The following ANKRD44 variants were observed in gnomAD, a reference collection of about 807,000 sequenced individuals.
The protein encoded by ANKRD44 is serine/threonine-protein phosphatase 6 regulatory ankyrin repeat subunit B.
Under a neutral mutation model 116.0 loss-of-function variants are expected in ANKRD44, and 35 were observed. That is an observed-to-expected ratio of 0.30 (90% CI 0.23 to 0.40). ANKRD44 has a LOEUF of 0.40. ANKRD44 is among the 10% of genes least tolerant of loss of function. The pLI is 1.00. For missense variants in ANKRD44, 1,014 were observed against 1,242.6 expected (o/e 0.82, Z 2.77); for synonymous variants, 435 against 461.8 (o/e 0.94, Z 0.74).
chr2:197,238,212 G>T (rs929833742), intron 1 of ANKRD44, among the ~76,000 whole-genome samples: 3 of 152,156 alleles, frequency 2.0e-5, no homozygotes, highest in African/African-American at 4.8e-5. Flanking sequence ...CACAGACTAT[G>T]CCTGTTTGGC....
chr2:197,147,663 G>A (rs1025772195), intron 2 of ANKRD44, among the ~76,000 whole-genome samples: 2 of 152,026 alleles, frequency 1.3e-5, no homozygotes, highest in African/African-American at 4.8e-5. Context: ...TGGGGACAGA[G>A]GGATGACTAC....
At chr2:197,130,678 A>G (rs1218972049) in intron 4 of ANKRD44, among the ~76,000 whole-genome samples, 1 of 152,250 alleles carries the variant, frequency 6.6e-6, no homozygotes, top group Non-Finnish European at 1.5e-5. Flanking sequence ...ACACATGAAC[A>G]ACTTTTTATA....
At chr2:197,044,607 C>T (rs994059323) in intron 16 of ANKRD44, among the ~76,000 whole-genome samples, 5 of 152,134 alleles carry the variant, frequency 3.3e-5, no homozygotes, top group East Asian at 1.9e-4. Context: ...GTGATGCCCG[C>T]CTCGGCCTTC....
At chr2:197,244,452 T>C (rs2082149281) in intron 1 of ANKRD44, among the ~76,000 whole-genome samples, 1 of 152,246 alleles carries the variant, frequency 6.6e-6, no homozygotes, top group African/African-American at 2.4e-5. Context: ...CCTGTCTTTC[T>C]GAATGATCAC....
intron 1 of ANKRD44, among the ~76,000 whole-genome samples, chr2:197,270,026 G>T (rs1232889060): frequency 2.0e-5 from 3 of 152,154 alleles, no homozygotes; most frequent in African/African-American, 7.2e-5. Flanking sequence ...GACATTTGCT[G>T]TCTCAGACCC....
At chr2:197,048,332 C>T (rs1231712589) in intron 16 of ANKRD44, among the ~76,000 whole-genome samples, 1 of 152,130 alleles carries the variant, frequency 6.6e-6, no homozygotes, top group Non-Finnish European at 1.5e-5. Flanking sequence ...AATGCTATCC[C>T]TCCCCCTGCC....
intron 16 of ANKRD44, chr2:197,078,380 T>C (rs2077719633): frequency 2.0e-5 from 8 of 390,268 alleles, no homozygotes; most frequent in Non-Finnish European, 3.2e-5. Context: ...CACAAAGCCA[T>C]ATTTGCTAAT....
At chr2:197,019,439 A>G (rs1057451942) in intron 17 of ANKRD44, among the ~76,000 whole-genome samples, 1 of 152,192 alleles carries the variant, frequency 6.6e-6, no homozygotes, top group Non-Finnish European at 1.5e-5. Flanking sequence ...TTGGGCATGC[A>G]TTGCCTCACT....
intron 1 of ANKRD44, among the ~76,000 whole-genome samples, chr2:197,285,187 T>C (rs980470483): frequency 6.6e-6 from 1 of 152,028 alleles, no homozygotes; most frequent in African/African-American, 2.4e-5. Flanking sequence ...ATGTAAGGCC[T>C]GTGGACCCAT....
At chr2:197,166,601 C>A (rs79468782) in intron 2 of ANKRD44, among the ~76,000 whole-genome samples, 6,461 of 152,308 alleles carry the variant, frequency 0.042, 158 homozygotes, top group Middle Eastern at 0.075. Flanking sequence ...AGAAGAATCA[C>A]TGACAATGAT....
chr2:197,239,631 C>A (rs756503380), intron 1 of ANKRD44, among the ~76,000 whole-genome samples: 3 of 152,186 alleles, frequency 2.0e-5, no homozygotes, highest in Non-Finnish European at 2.9e-5. Context: ...TTACTCAATG[C>A]AAGATAACCA....
At chr2:197,099,348 T>G (rs953222652) in intron 10 of ANKRD44, 1 of 221,872 alleles carries the variant, frequency 4.5e-6, no homozygotes, top group Non-Finnish European at 7.6e-6. Context: ...CCAGCATAGA[T>G]GCTTTATGTA....
At chr2:197,137,020 G>T (rs1385136891) in intron 3 of ANKRD44, among the ~76,000 whole-genome samples, 8 of 152,178 alleles carry the variant, frequency 5.3e-5, no homozygotes, top group African/African-American at 1.9e-4. Context: ...GAGTGCCCAT[G>T]CTCAGCTCTA....
chr2:197,251,350 T>C lies in ANKRD44; in HGVS notation c.27+59228A>G, dbSNP rs1203567760. ...TATCTTTGTTCTTACAGCTTTTTTT[T>C]CCTTTAGAATAAATTCCAGGGAGTG... On this transcript the variant is annotated intron_variant, in intron 1 of 27. Transcript: ENST00000282272. 3.9e-5 allele frequency among the ~76,000 whole-genome samples: 6 copies of C among 152,338 alleles called. No individual in the cohort carries two copies. The East Asian group carries it at 7.7e-4, about 20-fold the overall frequency.
intron 21 of ANKRD44, among the ~76,000 whole-genome samples, chr2:196,971,972 C>T (rs1251957253): frequency 6.6e-6 from 1 of 152,180 alleles, no homozygotes; most frequent in East Asian, 1.9e-4. Flanking sequence ...TGAGGGAAGC[C>T]TGCGCCACCA....
intron 1 of ANKRD44, among the ~76,000 whole-genome samples, chr2:197,189,572 C>CA (rs556742271): frequency 1.4e-4 from 21 of 151,348 alleles, no homozygotes; most frequent in South Asian, 4.2e-4. Flanking sequence ...AGGGTTTCGA[C>CA]AAAAAAAAAT....
chr2:197,169,885 A>C (rs1010777653), intron 2 of ANKRD44, among the ~76,000 whole-genome samples: 2 of 152,102 alleles, frequency 1.3e-5, no homozygotes. Context: ...GCTGTTAAAA[A>C]TTTTTTAAAA....
rs531593694 is a variant in ANKRD44 at position 197,121,618 on chromosome 2, C to T, written c.694-74G>A. On this transcript the variant is annotated intron_variant, in intron 7 of 27. Transcript: ENST00000282272. ...ACTCCATTTTCCACAAAAAGCATAA[C>T]GGCTGTGGCTAGAGAAAGGAAATAG... 186 of 1,296,482 alleles carry T rather than the reference C, an allele frequency of 1.4e-4. No individual in the cohort carries two copies. The African/African-American group carries it at 1.7e-3, about 12-fold the overall frequency. 80.3% of individuals were successfully genotyped at this position (1,296,482 alleles called of 1,614,324 possible). A position where few individuals can be genotyped will look rare whatever the true frequency, so the allele number is the denominator to read the frequency against.
chr2:197,025,288 C>G, intron 16 of ANKRD44, 21 bp from the exon 17 acceptor site: 3 of 1,602,068 alleles, frequency 1.9e-6, no homozygotes, highest in Non-Finnish European at 2.6e-6. Flanking sequence ...AAAAAGCAAA[C>G]AATAGTACGT....
Sources: gnomAD v4.1 joint callset for allele counts (sites outside exome capture counted in the v4.1 genomes callset) on GRCh38, gnomAD v4.1.1 for gene constraint, MANE v1.5 for transcripts, NCBI Gene and HGNC (gene_info 2026-07-23, HGNC 2026-07-21) for gene names.